The following CC2D1A variants were observed in gnomAD, a reference collection of about 807,000 sequenced individuals.
CC2D1A encodes coiled-coil and C2 domain-containing protein 1A.
Under a neutral mutation model 123.8 loss-of-function variants are expected in CC2D1A, and 68 were observed. The observed-to-expected ratio is 0.55, with a 90% confidence interval of 0.45 to 0.67. CC2D1A has a LOEUF of 0.67. CC2D1A is among the 30% of genes least tolerant of loss of function. The probability of loss-of-function intolerance (pLI) is 0.00; values close to 1 mark genes in which losing one functional copy is unlikely to be tolerated. For synonymous variants in CC2D1A, 477 were observed against 528.0 expected (o/e 0.90, Z 1.32); for missense variants, 1,185 against 1,290.3 (o/e 0.92, Z 1.25).
In CC2D1A at chr19:13,906,400, G is replaced by A; in HGVS notation, c.-42G>A. 6.7e-7 allele frequency: 1 copy of A among 1,485,478 alleles called. No individual in the cohort carries two copies. 92.0% of individuals were successfully genotyped at this position (1,485,478 alleles called of 1,614,324 possible). ...AGCCCGGGGAAGGAGGCAGGGCAAG[G>A]CCGGGCTTGGGGGCAGGTGGTCCGG... On this transcript the variant is annotated 5_prime_UTR_variant, in exon 1 of 29. Transcript: ENST00000318003. This position sits in a 1 kb window ranked among gnomAD's most constrained non-coding sequence, Gnocchi z 4.1.
In CC2D1A at chr19:13,906,602, A is replaced by G; in HGVS notation, c.60+101A>G. On this transcript the variant is annotated intron_variant, in intron 1 of 28. Coordinates refer to ENST00000318003, the MANE Select transcript of CC2D1A (RefSeq NM_017721.5). The surrounding 1 kb of genome is among the most constrained non-coding windows in gnomAD (Gnocchi z 4.1). ...CCCAGGGAAGCCCGATCTCCGCCCC[A>G]CAGGTAAGCCCCGGTCCCCGCCTCC... 5.8e-6 allele frequency: 4 copies of G among 683,906 alleles called. No homozygotes were observed. Among genetic ancestry groups the G allele is most frequent in the Non-Finnish European group, 8.9e-6 (4 of 447,346 alleles). The allele number at this position is 683,906 out of a possible 1,614,324, so 42.4% of individuals were successfully genotyped here. A position where few individuals can be genotyped will look rare whatever the true frequency, so the allele number is the denominator to read the frequency against.
intron 14 of CC2D1A, 95 bp downstream of exon 14, chr19:13,921,017 G>T: frequency 1.6e-6 from 2 of 1,213,108 alleles, no homozygotes; most frequent in Non-Finnish European, 2.3e-6. Context: ...ATTAGTCAAG[G>T]TCCAGCTGCT....
In CC2D1A at chr19:13,923,394, T is replaced by C; in HGVS notation, c.1703T>C (p.Leu568Pro). 6.2e-7 allele frequency: 1 copy of C among 1,613,174 alleles called. No individual in the cohort carries two copies. The highest frequency in any genetic ancestry group is 8.5e-7 in the Non-Finnish European group (1 of 1,179,996). The change falls in exon 15 of 29, where the codon CTG (leucine) becomes CCG (proline). Residue 568 changes from leucine (L) to proline (P), a missense_variant. Physicochemically the swap from Leu to Pro is moderately conservative, Grantham distance 98 (BLOSUM62 -3). Coordinates refer to ENST00000318003, the MANE Select transcript of CC2D1A (RefSeq NM_017721.5). The surrounding 1 kb of genome is among the most constrained non-coding windows in gnomAD (Gnocchi z 5.3). ...CTGGTCCAGCGGCCTGGCCCGGGTC[T>C]GTCTCAGGAGGCCGCCCGGCGCTAT... The part of the protein sequence containing the change: ...FALVQRPGPG[L>P]SQEAARRYGE...
chr19:13,919,693 A>T, intron 11 of CC2D1A, 125 bp from the exon 12 acceptor site: 1 of 995,598 alleles, frequency 1.0e-6, no homozygotes, highest in Non-Finnish European at 1.4e-6. Context: ...AAAAAAAATT[A>T]ATTAATTAAA....
Position 13,913,681 on chromosome 19 carries a change from G to A in CC2D1A, c.748+43G>A, listed in dbSNP as rs752382361. On this transcript the variant is annotated intron_variant, in intron 6 of 28. Transcript: ENST00000318003. ...CCGGGCTGATATGGGATCCGAGTGG[G>A]CCATCTGGCAGGATGCTGCTCTAGG... 4 of 1,454,286 alleles carry A rather than the reference G, an allele frequency of 2.8e-6. No homozygotes were observed. In the Admixed American group the frequency reaches 8.9e-5, roughly 32 times the overall value. The allele number at this position is 1,454,286 out of a possible 1,614,324, so 90.1% of individuals were successfully genotyped here. A position where few individuals can be genotyped will look rare whatever the true frequency, so the allele number is the denominator to read the frequency against.
Position 13,930,478 on chromosome 19 carries a change from A to G in CC2D1A, c.*83A>G. 7.0e-7 allele frequency: 1 copy of G among 1,432,282 alleles called. No homozygotes were observed. 88.7% of individuals were successfully genotyped at this position (1,432,282 alleles called of 1,614,324 possible). ...GAGCCGACACAGCCACGAACCAGAC[A>G]AGCAGACAATCAGCGGACAATCGGT... On this transcript the variant is annotated 3_prime_UTR_variant, in exon 29 of 29. Coordinates refer to ENST00000318003, the MANE Select transcript of CC2D1A (RefSeq NM_017721.5). The surrounding 1 kb of genome is among the most constrained non-coding windows in gnomAD (Gnocchi z 6.8).
chr19:13,913,531 C>A lies in CC2D1A; in HGVS notation c.641C>A (p.Pro214Gln), dbSNP rs749018117. Residue 214 changes from proline to glutamine, a missense_variant, in exon 6 of 29, where the codon CCG becomes CAG. By Grantham distance (76) the Pro-to-Gln change is moderately conservative. Coordinates refer to ENST00000318003, the MANE Select transcript of CC2D1A (RefSeq NM_017721.5). ...TPTYSPAPTQPAPRIASAPEP... is the reference protein window; with the variant it reads ...TPTYSPAPTQQAPRIASAPEP... ...ACCTACAGCCCTGCACCCACCCAGC[C>A]GGCCCCTAGAATCGCGTCAGCCCCA... 1.2e-6 allele frequency: 2 copies of A among 1,614,174 alleles called. No homozygotes were observed. The highest frequency in any genetic ancestry group is 1.1e-5 in the South Asian group (1 of 91,086).
At chr19:13,916,330 C>T (rs796356047) in intron 6 of CC2D1A, among the ~76,000 whole-genome samples, 15 of 151,950 alleles carry the variant, frequency 9.9e-5, no homozygotes, top group African/African-American at 3.6e-4. Context: ...TCTGGGAGGC[C>T]AAGGTGGGAG....
chr19:13,920,397 A>G, intron 12 of CC2D1A, 160 bp from the exon 13 acceptor site: 3 of 629,948 alleles, frequency 4.8e-6, no homozygotes, highest in East Asian at 2.9e-5. Flanking sequence ...AAAAAAAAAA[A>G]AGGTGTTTGG....
intron 2 of CC2D1A, among the ~76,000 whole-genome samples, chr19:13,911,212 C>T (rs906823429): frequency 6.6e-6 from 1 of 152,108 alleles, no homozygotes; most frequent in African/African-American, 2.4e-5. Context: ...GGTGACAGAG[C>T]AAGATCCTGT....
chr19:13,918,169 C>T lies in CC2D1A; in HGVS notation c.848C>T (p.Ala283Val). Residue 283 changes from alanine (A) to valine (V), a missense_variant, in exon 7 of 29, where the codon GCC (alanine) becomes GTC (valine). Ala to Val is a moderately conservative substitution (Grantham distance 64). Transcript: ENST00000318003. ...HAKQQGDTTA[A>V]ARHFRVAKSF... ...AAGCAGCAGGGAGATACCACTGCTG[C>T]CGCTAGACACTTCCGCGTGGCTAAG... The T allele has an allele frequency of 1.2e-6, 2 of 1,603,440 alleles. No homozygotes were observed. Among genetic ancestry groups the T allele is most frequent in the Non-Finnish European group, 1.7e-6 (2 of 1,175,728 alleles).
In CC2D1A at chr19:13,929,580, C is replaced by A. The variant is rs1487690399; in HGVS notation, c.2630C>A (p.Ala877Asp). The change falls in exon 26 of 29, where the codon GCC becomes GAC. Residue 877 changes from alanine (A) to aspartate (D), a missense_variant. Transcript: ENST00000318003. ...QARRPVPPEV[A>D]QQYQDIMQRS... ...CGGCGGCCGGTGCCCCCAGAAGTGG[C>A]CCAGCAGTACCAGGACATCATGCAA... is the stretch of plus-strand genomic sequence containing the variant. 1 of 1,607,862 alleles carries A rather than the reference C, an allele frequency of 6.2e-7. No individual in the cohort carries two copies. The highest frequency in any genetic ancestry group is 2.2e-5 in the East Asian group (1 of 44,710).
rs974180329 is a variant in CC2D1A, at chr19:13,918,446, C to T, written c.874-58C>T. The stretch of plus-strand genomic sequence containing the variant: ...GGCATGGAAGGGCCCGGAGGCTCCC[C>T]ACAGGGTCCAAGCCCCCAACTGCAC... On this transcript the variant is annotated intron_variant, in intron 7 of 28. Coordinates refer to ENST00000318003, the MANE Select transcript of CC2D1A (RefSeq NM_017721.5). The T allele has an allele frequency of 5.9e-6, 9 of 1,528,998 alleles. No individual in the cohort carries two copies. In the African/African-American group the frequency reaches 9.6e-5, roughly 16 times the overall value. 94.7% of individuals were successfully genotyped at this position (1,528,998 alleles called of 1,614,324 possible). A position where few individuals can be genotyped will look rare whatever the true frequency, so the allele number is the denominator to read the frequency against.
In CC2D1A at chr19:13,920,589, C is replaced by T; in HGVS notation, c.1389C>T (p.Pro463=). ...QNSPVAPTAQ[P]KAPPSRTPQS... is the part of the protein sequence containing the mutation. Reference sequence around the variant, plus strand: ...GCCCTGTGGCCCCCACAGCCCAGCCCAAAGCCCCACCCTCAAGAACTCCCC... The same window carrying T: ...GCCCTGTGGCCCCCACAGCCCAGCCTAAAGCCCCACCCTCAAGAACTCCCC... Residue 463 remains proline, a synonymous_variant, in exon 13 of 29, where the codon CCC becomes CCT. Transcript: ENST00000318003. The T allele has an allele frequency of 6.2e-7, 1 of 1,608,986 alleles. No homozygotes were observed. The highest frequency in any genetic ancestry group is 1.3e-5 in the African/African-American group (1 of 74,802).
In CC2D1A at chr19:13,918,828, G is replaced by C. The variant is rs548617953; in HGVS notation, c.1018+11G>C. 11 of 1,612,992 alleles carry C rather than the reference G, an allele frequency of 6.8e-6. No homozygotes were observed. The South Asian group carries it at 1.1e-4, about 16-fold the overall frequency. On this transcript the variant is annotated intron_variant, in intron 9 of 28. Transcript: ENST00000318003. ...CGCCCTCCACAACAGGTAGGTTCTG[G>C]GACCCTCTGGGGTTGGGGGCAGGCT...
At position 13,929,557 on chromosome 19, in the gene CC2D1A, G is replaced by A; in HGVS notation, c.2607G>A (p.Arg869=). 6.2e-7 allele frequency: 1 copy of A among 1,610,940 alleles called. No homozygotes were observed. Among genetic ancestry groups the A allele is most frequent in the Non-Finnish European group, 8.5e-7 (1 of 1,179,558 alleles). The change falls in exon 26 of 29, where the codon CGG becomes CGA. Residue 869 remains arginine (R), a synonymous_variant. Coordinates refer to ENST00000318003, the MANE Select transcript of CC2D1A (RefSeq NM_017721.5). ...ERKILALRQA[R]RPVPPEVAQQ... is the part of the protein sequence containing the mutation. ...AGATCCTGGCCCTCAGGCAGGCGCG[G>A]CGGCCGGTGCCCCCAGAAGTGGCCC...
Position 13,918,750 on chromosome 19 carries a change from G to GTTGCCCCCAGACCCA in CC2D1A, c.951_952insTTGCCCCCAGACCCA (p.Leu318_Pro322dup). 6.2e-7 allele frequency: 1 copy of GTTGCCCCCAGACCCA among 1,610,840 alleles called. No homozygotes were observed. Among genetic ancestry groups the GTTGCCCCCAGACCCA allele is most frequent in the Non-Finnish European group, 8.5e-7 (1 of 1,178,454 alleles). ...CCTGGACCTCTCTGTCCCCAGACCA[G>GTTGCCCCCAGACCCA]CTGCCCCCAGACCCACCGTCACCAC... On this transcript the variant is annotated inframe_insertion, in exon 9 of 29. Coordinates refer to ENST00000318003, the MANE Select transcript of CC2D1A (RefSeq NM_017721.5).
At position 13,913,245 on chromosome 19, in the gene CC2D1A, A is replaced by AAGCGCCAGACAAGCTGGAGAC. The variant is rs771412521; in HGVS notation, c.464_484dup (p.Arg155_Ala161dup). On this transcript the variant is annotated inframe_insertion, in exon 5 of 29. Coordinates refer to ENST00000318003, the MANE Select transcript of CC2D1A (RefSeq NM_017721.5). ...TGGCGCTCTATCAGACAGCAATTGA[A>AAGCGCCAGACAAGCTGGAGAC]AGCGCCAGACAAGCTGGAGACAGCG... The AAGCGCCAGACAAGCTGGAGAC allele has an allele frequency of 6.6e-5, 107 of 1,613,622 alleles. No homozygotes were observed. The African/African-American group carries it at 1.3e-3, about 20-fold the overall frequency.
rs199775844 is a variant in CC2D1A at position 13,923,486 on chromosome 19, G to A, written c.1764+31G>A. ...GGGGAGGCCCCCAGCCCATCCCCCA[G>A]GAGCGTGACCCTCCTTCCCCTCTCT... On this transcript the variant is annotated intron_variant, in intron 15 of 28. Transcript: ENST00000318003. This position sits in a 1 kb window ranked among gnomAD's most constrained non-coding sequence, Gnocchi z 5.3. 1 of 1,613,554 alleles carries A rather than the reference G, an allele frequency of 6.2e-7. No homozygotes were observed. The highest frequency in any genetic ancestry group is 8.5e-7 in the Non-Finnish European group (1 of 1,179,756).
Sources: gnomAD v4.1 joint callset for allele counts (sites outside exome capture counted in the v4.1 genomes callset) on GRCh38, gnomAD v4.1.1 for gene constraint, Gnocchi (gnomAD v3.1) non-coding constraint, MANE v1.5 for transcripts, NCBI Gene and HGNC (gene_info 2026-07-23, HGNC 2026-07-21) for gene names.